Variants in MYO9A observed in about 807,000 individuals in gnomAD.
The protein encoded by MYO9A is unconventional myosin-IXa.
In MYO9A, 103 loss-of-function variants were observed where a neutral mutation model predicts 293.3. That is an observed-to-expected ratio of 0.35 (90% CI 0.30 to 0.41). The LOEUF is 0.41. MYO9A is among the 10% of genes least tolerant of loss of function. MYO9A has a pLI of 1.00. For synonymous variants in MYO9A, 1,001 were observed against 1,035.7 expected (o/e 0.97, Z 0.64); for missense variants, 2,685 against 3,033.0 (o/e 0.89, Z 2.69).
Position 71,935,321 on chromosome 15 carries a change from C to A in MYO9A, c.2522+20G>T. ...AAAACAAAAAACAAAAAACAATTTACATTACTGATTAGTACTGACGTGAGA... is the reference window on the plus strand; with the variant it reads ...AAAACAAAAAACAAAAAACAATTTAAATTACTGATTAGTACTGACGTGAGA... On this transcript the variant is annotated intron_variant, in intron 17 of 41. Transcript: ENST00000356056. 2 of 1,539,438 alleles carry A rather than the reference C, an allele frequency of 1.3e-6. No individual in the cohort carries two copies. Among genetic ancestry groups the A allele is most frequent in the Non-Finnish European group, 8.8e-7 (1 of 1,140,118 alleles).
Position 71,897,991 on chromosome 15 carries a change from C to A in MYO9A, c.4512G>T (p.Leu1504Phe). 6.2e-7 allele frequency: 1 copy of A among 1,614,138 alleles called. No homozygotes were observed. The highest frequency in any genetic ancestry group is 8.5e-7 in the Non-Finnish European group (1 of 1,180,046). Residue 1504 changes from leucine (L) to phenylalanine (F), a missense_variant, in exon 25 of 42, where the codon TTG becomes TTT. Leu to Phe is a conservative substitution (Grantham distance 22, BLOSUM62 0). Transcript: ENST00000356056. ...TCATCTCTTTTTCATTCTGTTGCTGCAACTGTTTTTGCCTTTCTTCCTTCT... is the reference window on the plus strand; with the variant it reads ...TCATCTCTTTTTCATTCTGTTGCTGAAACTGTTTTTGCCTTTCTTCCTTCT... ...NTEKEERQKQ[L>F]QQQNEKEMME...
chr15:71,872,932 A>C (rs1261723802), intron 32 of MYO9A, among the ~76,000 whole-genome samples: 2 of 148,448 alleles, frequency 1.3e-5, no homozygotes, highest in Admixed American at 1.3e-4. Flanking sequence ...TCTTTTTTTG[A>C]GACAGAGTCT....
intron 14 of MYO9A, among the ~76,000 whole-genome samples, chr15:71,956,377 G>A (rs1397904947): frequency 9.5e-5 from 13 of 137,172 alleles, no homozygotes; most frequent in South Asian, 2.3e-4. Context: ...GGTGGCTCAC[G>A]CCTGTAATCC....
At chr15:72,009,160 A>G (rs1203516159) in intron 7 of MYO9A, among the ~76,000 whole-genome samples, 1 of 152,232 alleles carries the variant, frequency 6.6e-6, no homozygotes, top group African/African-American at 2.4e-5. Context: ...AAGTCAAAAG[A>G]CAAAAACAAA....
chr15:71,999,686 C>T (rs1455716541), intron 9 of MYO9A, among the ~76,000 whole-genome samples, 165 bp downstream of exon 9: 1 of 152,120 alleles, frequency 6.6e-6, no homozygotes, highest in African/African-American at 2.4e-5. Flanking sequence ...ATTTAAGTTT[C>T]TAAATCAATG....
At chr15:71,889,661 G>C (rs925682219) in intron 26 of MYO9A, 1 of 151,676 alleles carries the variant, frequency 6.6e-6, no homozygotes, top group African/African-American at 2.4e-5. Flanking sequence ...TGAAAAGTTA[G>C]ATGAAATTGA....
chr15:71,880,269 C>T (rs1006258004), intron 29 of MYO9A, 66 bp downstream of exon 29: 25 of 1,334,242 alleles, frequency 1.9e-5, no homozygotes, highest in Admixed American at 3.5e-5. Context: ...GAGAGTATAT[C>T]CTGATATACA....
At chr15:72,064,976 A>T (rs181165356) in intron 1 of MYO9A, among the ~76,000 whole-genome samples, 7 of 152,354 alleles carry the variant, frequency 4.6e-5, no homozygotes, top group African/African-American at 1.7e-4. Flanking sequence ...AGCCACAAAA[A>T]GTATAGTACT....
In MYO9A at chr15:71,862,620, A is replaced by C; in HGVS notation, c.5980-9T>G. On this transcript the variant is annotated splice_polypyrimidine_tract_variant and intron_variant, in intron 32 of 41. Transcript: ENST00000356056. ...CCATTGTGTTCTTCCACCTGAATGAAAAAATTTAGCTACTTATATTAAAGC... is the reference window on the plus strand; with the variant it reads ...CCATTGTGTTCTTCCACCTGAATGACAAAATTTAGCTACTTATATTAAAGC... 6.3e-7 allele frequency: 1 copy of C among 1,576,086 alleles called. No individual in the cohort carries two copies. The highest frequency in any genetic ancestry group is 8.7e-7 in the Non-Finnish European group (1 of 1,146,500).
At chr15:71,912,222 T>C (rs1322746106) in intron 19 of MYO9A, among the ~76,000 whole-genome samples, 1 of 152,138 alleles carries the variant, frequency 6.6e-6, no homozygotes, top group Admixed American at 6.5e-5. Flanking sequence ...ACTATTATTT[T>C]TGTTTTCTAT....
intron 6 of MYO9A, among the ~76,000 whole-genome samples, chr15:72,012,441 C>T (rs758608608): frequency 2.6e-5 from 4 of 151,932 alleles, no homozygotes; most frequent in African/African-American, 7.3e-5. Context: ...ATTACAGGTG[C>T]GTGCCACCAT....
intron 39 of MYO9A, among the ~76,000 whole-genome samples, chr15:71,838,340 C>G (rs879203898): frequency 6.6e-6 from 1 of 151,958 alleles, no homozygotes. Context: ...GTTGCTGAAC[C>G]TTTCAACTTT....
At chr15:71,927,242 A>G (rs752116562) in intron 18 of MYO9A, among the ~76,000 whole-genome samples, 62 of 152,226 alleles carry the variant, frequency 4.1e-4, no homozygotes, top group Non-Finnish European at 7.3e-4. Flanking sequence ...GACTGCTTAT[A>G]TATTCTAGAC....
intron 1 of MYO9A, among the ~76,000 whole-genome samples, chr15:72,061,253 G>A (rs1246052099): frequency 6.6e-6 from 1 of 152,158 alleles, no homozygotes; most frequent in Non-Finnish European, 1.5e-5. Flanking sequence ...GTAACCCAGT[G>A]CACTCCCAGC....
At chr15:71,956,641 G>A (rs963261919) in intron 14 of MYO9A, among the ~76,000 whole-genome samples, 4 of 149,854 alleles carry the variant, frequency 2.7e-5, no homozygotes, top group East Asian at 1.9e-4. Context: ...GCGAGACTCC[G>A]TCTCAAAAAA....
chr15:72,117,123 G>A (rs927034850), intron 1 of MYO9A: 14 of 152,274 alleles, frequency 9.2e-5, no homozygotes, highest in African/African-American at 3.4e-4. Flanking sequence ...AGAAGCCAAA[G>A]TCTGTGACGG....
intron 2 of MYO9A, among the ~76,000 whole-genome samples, chr15:72,038,631 C>A (rs1308847570): frequency 2.0e-5 from 3 of 152,066 alleles, no homozygotes; most frequent in Non-Finnish European, 4.4e-5. Context: ...TTCATGACAA[C>A]CAAAAACCAG....
In MYO9A at chr15:71,928,298, C is replaced by T. The variant is rs973437087; in HGVS notation, c.2562+5372G>A. On this transcript the variant is annotated intron_variant, in intron 18 of 41. Transcript: ENST00000356056. ...TTCACCTTGTTAGCCAGGATAGTCTCGATCTCCTGACCTCATGATCCACCC... is the reference window on the plus strand; with the variant it reads ...TTCACCTTGTTAGCCAGGATAGTCTTGATCTCCTGACCTCATGATCCACCC... 7.3e-5 allele frequency among the ~76,000 whole-genome samples: 11 copies of T among 150,366 alleles called. No homozygotes were observed. In the South Asian group the frequency reaches 2.1e-3, roughly 29 times the overall value.
chr15:72,013,083 G>A (rs1030332561), intron 6 of MYO9A, among the ~76,000 whole-genome samples: 1 of 152,110 alleles, frequency 6.6e-6, no homozygotes, highest in African/African-American at 2.4e-5. Context: ...GGGCTCCCTG[G>A]GAGGCAGATC....
Sources: allele counts gnomAD v4.1 joint callset (sites outside exome capture counted in the v4.1 genomes callset), GRCh38; gene constraint gnomAD v4.1.1; transcripts MANE v1.5; gene names NCBI Gene and HGNC (gene_info 2026-07-23, HGNC 2026-07-21).